The following LDLRAD4 variants were observed in gnomAD, a reference collection of about 807,000 sequenced individuals.
LDLRAD4 encodes low density lipoprotein receptor class A domain containing 4, also known as low-density lipoprotein receptor class A domain-containing protein 4.
In LDLRAD4, 5 loss-of-function variants were observed where a neutral mutation model predicts 17.0. The ratio of observed to expected loss-of-function variants is 0.29; its 90% CI spans 0.15 to 0.62. The LOEUF is 0.62. Among genes scored for constraint, LDLRAD4 ranks in the 20% least tolerant of loss-of-function variants. The pLI is 0.84. For missense variants in LDLRAD4, 340 were observed against 424.7 expected, an observed-to-expected ratio of 0.80 and a Z score of 1.75; for synonymous variants, 168 against 171.8, an observed-to-expected ratio of 0.98 and a Z score of 0.17.
At chr18:13,332,603 G>A (rs1391228298) in intron 1 of LDLRAD4, among the ~76,000 whole-genome samples, 1 of 152,164 alleles carries the variant, frequency 6.6e-6, no homozygotes, top group Non-Finnish European at 1.5e-5. Context: ...GATTCTCACT[G>A]TCTCCATAGT....
chr18:13,294,972 G>A (rs182002798), intron 1 of LDLRAD4, among the ~76,000 whole-genome samples: 1 of 152,186 alleles, frequency 6.6e-6, no homozygotes, highest in African/African-American at 2.4e-5. Flanking sequence ...TCTGATTTTA[G>A]GCATATGCAC....
At chr18:13,329,307 G>A (rs957678928) in intron 1 of LDLRAD4, among the ~76,000 whole-genome samples, 1 of 152,114 alleles carries the variant, frequency 6.6e-6, no homozygotes, top group Non-Finnish European at 1.5e-5. Context: ...CTGCATCTTT[G>A]CCAACAGAGC....
chr18:13,588,604 A>C (rs2094965980), intron 3 of LDLRAD4, among the ~76,000 whole-genome samples: 1 of 151,524 alleles, frequency 6.6e-6, no homozygotes. Flanking sequence ...TTGTTACCTC[A>C]CCAAGCGAAG....
chr18:13,321,460 T>G (rs1177814364), intron 1 of LDLRAD4, among the ~76,000 whole-genome samples: 1 of 152,268 alleles, frequency 6.6e-6, no homozygotes, highest in Non-Finnish European at 1.5e-5. Context: ...TTTACAGCTC[T>G]GAATTATTTT....
At chr18:13,562,110 G>A (rs28594143) in intron 3 of LDLRAD4, among the ~76,000 whole-genome samples, 2 of 151,878 alleles carry the variant, frequency 1.3e-5, no homozygotes, top group Non-Finnish European at 2.9e-5. Context: ...CTGACTCAGT[G>A]TTTTTAAGAT....
intron 1 of LDLRAD4, among the ~76,000 whole-genome samples, chr18:13,374,355 G>A (rs750031053): frequency 3.9e-5 from 6 of 152,348 alleles, no homozygotes; most frequent in Non-Finnish European, 7.3e-5. Context: ...ATGCAGGAGT[G>A]GCTGTCTGTC....
At chr18:13,490,339 T>C (rs930571840) in intron 3 of LDLRAD4, 43 of 152,220 alleles carry the variant, frequency 2.8e-4, no homozygotes, top group African/African-American at 9.9e-4. Context: ...CATTTTAGAT[T>C]CAGATTTTTG....
chr18:13,364,499 GGC>G (rs2083913483), intron 1 of LDLRAD4, among the ~76,000 whole-genome samples: 1 of 152,044 alleles, frequency 6.6e-6, no homozygotes, highest in Non-Finnish European at 1.5e-5. Flanking sequence ...CACCACACCT[GGC>G]TTATTTCTTA....
At chr18:13,335,710 A>G (rs1210699553) in intron 1 of LDLRAD4, among the ~76,000 whole-genome samples, 2 of 152,066 alleles carry the variant, frequency 1.3e-5, no homozygotes, top group Non-Finnish European at 2.9e-5. Flanking sequence ...GCTTGAAGGA[A>G]TGCCTGGCTG....
At chr18:13,539,837 TA>T (rs2094250509) in intron 3 of LDLRAD4, among the ~76,000 whole-genome samples, 1 of 152,168 alleles carries the variant, frequency 6.6e-6, no homozygotes, top group Non-Finnish European at 1.5e-5. Context: ...CCATAGTGCA[TA>T]AAAAAGAAGT....
At chr18:13,368,530 A>G (rs558397661) in intron 1 of LDLRAD4, among the ~76,000 whole-genome samples, 29 of 152,230 alleles carry the variant, frequency 1.9e-4, no homozygotes, top group African/African-American at 6.5e-4. Context: ...TTCCCACCGA[A>G]AGCAACTCTG....
chr18:13,409,535 A>G (rs2088124622), intron 2 of LDLRAD4, among the ~76,000 whole-genome samples: 1 of 152,248 alleles, frequency 6.6e-6, no homozygotes. Flanking sequence ...TGCAATTTAC[A>G]TTCTTAAACA....
intron 1 of LDLRAD4, among the ~76,000 whole-genome samples, chr18:13,260,862 C>A (rs1398920535): frequency 6.6e-6 from 1 of 152,198 alleles, no homozygotes; most frequent in Non-Finnish European, 1.5e-5. Context: ...TGCCATGGCA[C>A]CTAGAAACCA....
chr18:13,544,329 C>T (rs2094328684), intron 3 of LDLRAD4, among the ~76,000 whole-genome samples: 1 of 152,216 alleles, frequency 6.6e-6, no homozygotes. Context: ...GATAAACAAA[C>T]CTTCTTTGAC....
exon 2 of LDLRAD4, chr18:13,387,644 A>G: frequency 7.7e-7 from 1 of 1,299,090 alleles, no homozygotes. Flanking sequence ...GCTAAGATGG[A>G]AGTGACCTGA....
intron 1 of LDLRAD4, among the ~76,000 whole-genome samples, chr18:13,342,937 A>G (rs1043229774): frequency 1.3e-5 from 2 of 151,628 alleles, no homozygotes; most frequent in African/African-American, 4.8e-5. Context: ...CATATCATCC[A>G]TTACTTTCTC....
chr18:13,291,525 C>T (rs978230397), intron 1 of LDLRAD4, among the ~76,000 whole-genome samples: 2 of 152,088 alleles, frequency 1.3e-5, no homozygotes, highest in Non-Finnish European at 2.9e-5. Context: ...GGGACCTGGC[C>T]GGGTCCCTGG....
At chr18:13,267,162 A>T (rs2044266393) in intron 1 of LDLRAD4, among the ~76,000 whole-genome samples, 2 of 152,272 alleles carry the variant, frequency 1.3e-5, no homozygotes, top group African/African-American at 4.8e-5. Context: ...TGTAAGGGCC[A>T]AATAATTCTA....
intron 1 of LDLRAD4, chr18:13,240,305 C>T (rs998105056): frequency 2.0e-5 from 3 of 152,212 alleles, no homozygotes; most frequent in South Asian, 2.1e-4. Context: ...GCTCTGAGGC[C>T]GCAGGCCCAG....
Sources: allele counts gnomAD v4.1 joint callset (sites outside exome capture counted in the v4.1 genomes callset), GRCh38; gene constraint gnomAD v4.1.1; transcripts MANE v1.5; gene names NCBI Gene and HGNC (gene_info 2026-07-23, HGNC 2026-07-21).